BCAS3: variants seen among roughly 807,000 people sequenced by gnomAD.
BCAS3 encodes the protein BCAS4/BCAS3 fusion.
A neutral mutation model predicts 116.1 loss-of-function variants in BCAS3; 53 were observed. That is an observed-to-expected ratio of 0.46 (90% CI 0.37 to 0.57). BCAS3 has a LOEUF of 0.57. Among genes scored for constraint, BCAS3 ranks in the 20% least tolerant of loss-of-function variants. BCAS3 has a pLI of 0.00. For missense variants in BCAS3, 917 were observed against 1,165.4 expected (o/e 0.79, Z 3.10); for synonymous variants, 391 against 408.2 (o/e 0.96, Z 0.51).
chr17:61,161,010 T>TC lies in BCAS3; in HGVS notation c.2425+76451dup, dbSNP rs2078138869. Among the ~76,000 whole-genome samples the TC allele has an allele frequency of 6.6e-6, 1 of 152,084 alleles. No individual in the cohort carries two copies. Among genetic ancestry groups the TC allele is most frequent in the African/African-American group, 2.4e-5 (1 of 41,408 alleles). ...AAGTGGCCTTCCTCTTCCCATCCCA[T>TC]CCCCCTTCCCTGTGTCAACTTTGGG... On this transcript the variant is annotated intron_variant, in intron 22 of 23. Coordinates refer to ENST00000407086, the MANE Select transcript of BCAS3 (RefSeq NM_017679.5). This position sits in a 1 kb window ranked among gnomAD's most constrained non-coding sequence, Gnocchi z 4.8.
At chr17:60,921,361 C>G (rs2059075028) in intron 12 of BCAS3, among the ~76,000 whole-genome samples, 1 of 152,076 alleles carries the variant, frequency 6.6e-6, no homozygotes, top group South Asian at 2.1e-4. Context: ...AAACATTGAC[C>G]ACACCACGTT....
chr17:60,980,867 G>GA (rs954435183), intron 14 of BCAS3, among the ~76,000 whole-genome samples: 39 of 152,062 alleles, frequency 2.6e-4, no homozygotes, highest in African/African-American at 9.2e-4. Flanking sequence ...TTTGGAGGCA[G>GA]GTTTTCACAC....
At chr17:60,825,802 A>T (rs2050362002) in intron 7 of BCAS3, among the ~76,000 whole-genome samples, 1 of 150,760 alleles carries the variant, frequency 6.6e-6, no homozygotes, top group Non-Finnish European at 1.5e-5. Flanking sequence ...CTCTGCCCTC[A>T]TGACTTAATC....
intron 13 of BCAS3, among the ~76,000 whole-genome samples, chr17:60,929,848 C>G (rs1438861890): frequency 2.6e-5 from 4 of 151,192 alleles, no homozygotes; most frequent in Non-Finnish European, 5.9e-5. Flanking sequence ...CAATAGTTTA[C>G]TGAGAATGAT....
At chr17:60,770,377 C>T (rs2044545517) in intron 6 of BCAS3, among the ~76,000 whole-genome samples, 1 of 146,800 alleles carries the variant, frequency 6.8e-6, no homozygotes, top group African/African-American at 2.5e-5. Flanking sequence ...CTTGCCATCG[C>T]CTCTCTCATC....
rs1465557837 is a variant in BCAS3, at chr17:61,019,966, G to A, written c.1637+4065G>A. On this transcript the variant is annotated intron_variant, in intron 16 of 23. Transcript: ENST00000407086. This position sits in a 1 kb window ranked among gnomAD's most constrained non-coding sequence, Gnocchi z 5.6. ...GGATTATGTAGAAAGAGAACACAGA[G>A]TGACCCACTTATAGACAGGTAAATT... is the stretch of plus-strand genomic sequence containing the variant. Among the ~76,000 whole-genome samples, 3 of 152,160 alleles carry A rather than the reference G, an allele frequency of 2.0e-5. No individual in the cohort carries two copies. Among genetic ancestry groups the A allele is most frequent in the African/African-American group, 7.2e-5 (3 of 41,454 alleles).
chr17:61,022,039 G>A (rs2065908763), intron 16 of BCAS3, among the ~76,000 whole-genome samples: 1 of 152,052 alleles, frequency 6.6e-6, no homozygotes, highest in Non-Finnish European at 1.5e-5. Context: ...CTAAGCAATG[G>A]ATGTTTGGTT....
chr17:61,119,566 C>A (rs949791803), intron 22 of BCAS3, among the ~76,000 whole-genome samples: 6 of 151,790 alleles, frequency 4.0e-5, no homozygotes, highest in African/African-American at 7.3e-5. Flanking sequence ...AACCAAAAAC[C>A]GACATCATAT....
intron 4 of BCAS3, among the ~76,000 whole-genome samples, chr17:60,700,565 A>C (rs2036255294): frequency 6.6e-6 from 1 of 152,176 alleles, no homozygotes; most frequent in Non-Finnish European, 1.5e-5. Flanking sequence ...CTAGGAGAGG[A>C]TATATGGTAA....
Position 61,029,212 on chromosome 17 carries a change from T to C in BCAS3, c.1638-5454T>C, listed in dbSNP as rs1223860385. The stretch of plus-strand genomic sequence containing the variant: ...AGTTTCGAGTTGCAACGTTAACACT[T>C]AGCTAAGAATTTGCTTTTGGTATAT... On this transcript the variant is annotated intron_variant, in intron 16 of 23. Coordinates refer to ENST00000407086, the MANE Select transcript of BCAS3 (RefSeq NM_017679.5). The surrounding 1 kb of genome is among the most constrained non-coding windows in gnomAD (Gnocchi z 5.2). Among the ~76,000 whole-genome samples, 1 of 152,006 alleles carries C rather than the reference T, an allele frequency of 6.6e-6. No individual in the cohort carries two copies. Among genetic ancestry groups the C allele is most frequent in the African/African-American group, 2.4e-5 (1 of 41,438 alleles).
Position 61,017,774 on chromosome 17 carries a change from A to T in BCAS3, c.1637+1873A>T, listed in dbSNP as rs1041137145. 2.6e-5 allele frequency among the ~76,000 whole-genome samples: 4 copies of T among 152,178 alleles called. No individual in the cohort carries two copies. Among genetic ancestry groups the T allele is most frequent in the African/African-American group, 7.2e-5 (3 of 41,460 alleles). On this transcript the variant is annotated intron_variant, in intron 16 of 23. Coordinates refer to ENST00000407086, the MANE Select transcript of BCAS3 (RefSeq NM_017679.5). The surrounding 1 kb of genome is among the most constrained non-coding windows in gnomAD (Gnocchi z 4.7). ...TTTTATGTAGTATTTGAAATTTTCC[A>T]TAAGAAGATAAAATCTCTTGCTTTC... is the stretch of plus-strand genomic sequence containing the variant.
At chr17:60,779,190 C>CAAACAATAAATAAAT (rs953511664) in intron 6 of BCAS3, among the ~76,000 whole-genome samples, 1 of 151,940 alleles carries the variant, frequency 6.6e-6, no homozygotes, top group Admixed American at 6.6e-5. Context: ...TCCCCACCCC[C>CAAACAATAAATAAAT]AAATAAAACC....
chr17:60,712,137 C>A (rs941667241), intron 5 of BCAS3, among the ~76,000 whole-genome samples: 1 of 151,960 alleles, frequency 6.6e-6, no homozygotes, highest in Non-Finnish European at 1.5e-5. Flanking sequence ...TGCACTCCAG[C>A]CTGGGTGACA....
At chr17:61,266,365 A>T (rs1290702648) in intron 22 of BCAS3, among the ~76,000 whole-genome samples, 1 of 152,254 alleles carries the variant, frequency 6.6e-6, no homozygotes, top group Non-Finnish European at 1.5e-5. Context: ...GAAAACGGCC[A>T]GTATGTGGAA....
intron 16 of BCAS3, among the ~76,000 whole-genome samples, chr17:61,018,717 G>T (rs2065663741): frequency 6.6e-6 from 1 of 152,050 alleles, no homozygotes; most frequent in African/African-American, 2.4e-5. Flanking sequence ...ACACTAACAT[G>T]TTACGTTTTT....
At chr17:60,973,947 G>GTT in intron 14 of BCAS3, among the ~76,000 whole-genome samples, 1 of 152,222 alleles carries the variant, frequency 6.6e-6, no homozygotes, top group Middle Eastern at 3.4e-3. Context: ...AGGGAATGCT[G>GTT]TTGCTGGTCA....
chr17:60,941,291 C>T (rs180807030), intron 13 of BCAS3, among the ~76,000 whole-genome samples: 298 of 152,196 alleles, frequency 2.0e-3, no homozygotes, highest in Non-Finnish European at 3.8e-3. Flanking sequence ...TCATTTGGGG[C>T]GTGGGTTTAG....
At chr17:60,978,291 A>G (rs1026271713) in intron 14 of BCAS3, among the ~76,000 whole-genome samples, 6 of 143,048 alleles carry the variant, frequency 4.2e-5, no homozygotes, top group Admixed American at 2.1e-4. Flanking sequence ...TTGGCTGCAT[A>G]AATGTCTTCT....
intron 6 of BCAS3, among the ~76,000 whole-genome samples, chr17:60,789,438 C>A (rs915046076): frequency 2.6e-5 from 4 of 151,892 alleles, no homozygotes; most frequent in African/African-American, 4.8e-5. Context: ...GTGGGCAAGC[C>A]CATTTTCATT....
Sources: gnomAD v4.1 joint callset for allele counts (sites outside exome capture counted in the v4.1 genomes callset) on GRCh38, gnomAD v4.1.1 for gene constraint, Gnocchi (gnomAD v3.1) non-coding constraint, MANE v1.5 for transcripts, NCBI Gene and HGNC (gene_info 2026-07-23, HGNC 2026-07-21) for gene names.